Variants in OFD1 observed in about 807,000 individuals in gnomAD.
OFD1 encodes the protein centriole and centriolar satellite protein OFD1.
In OFD1, 12 loss-of-function variants were observed where a neutral mutation model predicts 81.4. The observed-to-expected ratio is 0.15, with a 90% confidence interval of 0.09 to 0.24. The LOEUF is 0.24. Ranked by LOEUF, OFD1 falls within the 10% of genes least tolerant of loss-of-function variation. OFD1 has a pLI of 1.00. For synonymous variants in OFD1, 256 were observed against 263.7 expected, an observed-to-expected ratio of 0.97 and a Z score of 0.28; for missense variants, 685 against 733.9, an observed-to-expected ratio of 0.93 and a Z score of 0.77.
chrX:13,746,479 A>G (rs773800534), intron 7 of OFD1, 24 bp downstream of exon 7: 1 of 1,202,320 alleles, frequency 8.3e-7, no homozygotes, highest in Non-Finnish European at 1.1e-6. Flanking sequence ...TGTTACTGTA[A>G]ACAAGAGTGA....
At chrX:13,715,954 A>C in the OFD1 span, 1 of 1,136,171 alleles carries the variant, frequency 8.8e-7, no homozygotes, top group South Asian at 2.0e-5. Context: ...TTCCTGACAA[A>C]GGTCGAATCC....
At chrX:13,752,530 A>G (rs1469028078) in intron 10 of OFD1, among the ~76,000 whole-genome samples, 5 of 112,323 alleles carry the variant, frequency 4.5e-5, no homozygotes, top group African/African-American at 1.6e-4. Context: ...TTTTTTATCT[A>G]TTGATTTTGA....
chrX:13,726,151 A>G, the OFD1 span, among the ~76,000 whole-genome samples: 2 of 112,551 alleles, frequency 1.8e-5, no homozygotes, highest in African/African-American at 3.2e-5. Flanking sequence ...CCTGAAAGTG[A>G]TGGGGAGAAT....
upstream of OFD1, chrX:13,733,917 T>C (rs919747396): frequency 5.4e-5 from 25 of 462,634 alleles, no homozygotes; most frequent in Non-Finnish European, 8.5e-5. Flanking sequence ...TTTAAACTCT[T>C]TATCCAGTCT....
intron 5 of OFD1, among the ~76,000 whole-genome samples, chrX:13,743,726 GT>G (rs1204269157): frequency 9.1e-6 from 1 of 109,473 alleles, no homozygotes; most frequent in Non-Finnish European, 1.9e-5. Context: ...TGACAATGTA[GT>G]TTTTTCTGCA....
intron 2 of OFD1, 123 bp from the exon 3 acceptor site, chrX:13,736,355 A>T (rs900211060): frequency 9.1e-7 from 1 of 1,093,918 alleles, no homozygotes; most frequent in East Asian, 3.1e-5. Flanking sequence ...TAGAACCATT[A>T]TGGAAATAGA....
At chrX:13,725,672 A>G in the OFD1 span, among the ~76,000 whole-genome samples, 1 of 112,661 alleles carries the variant, frequency 8.9e-6, no homozygotes, top group African/African-American at 3.2e-5. Flanking sequence ...GAAAAGCTGA[A>G]AATTCTAAAA....
At chrX:13,769,642 A>AC (rs1256012521), downstream of OFD1, among the ~76,000 whole-genome samples, 2 of 92,269 alleles carry the variant, frequency 2.2e-5, no homozygotes, top group Non-Finnish European at 4.8e-5. Flanking sequence ...TTGGAATTTA[A>AC]ACCCCCCCGT....
chrX:13,725,874 G>A, the OFD1 span, among the ~76,000 whole-genome samples: 7 of 111,509 alleles, frequency 6.3e-5, no homozygotes, highest in South Asian at 3.7e-4. Context: ...AAGATTAGAC[G>A]AATGGCTAAC....
At chrX:13,722,208 C>CAGAAAAAA in the OFD1 span, 1 of 36,116 alleles carries the variant, frequency 2.8e-5, no homozygotes, top group Non-Finnish European at 5.1e-5. Context: ...TAAGCAGCAG[C>CAGAAAAAA]AAAAAAAAAA....
intron 5 of OFD1, among the ~76,000 whole-genome samples, chrX:13,742,642 G>C (rs1237747745): frequency 9.0e-6 from 1 of 111,413 alleles, no homozygotes; most frequent in Non-Finnish European, 1.9e-5. Context: ...TCCTGTCTCA[G>C]CCTCCTGAGT....
Position 13,734,874 on chromosome X carries a change from G to A in OFD1, c.-198G>A. ...TCAGAACCGCGAAGAAAGGAAGCTC[G>A]CGTGTTTGCTAGAAAACCTAGTTGG... On this transcript the variant is annotated 5_prime_UTR_variant, in exon 1 of 23. Transcript: ENST00000340096. 1 of 1,085,095 alleles carries A rather than the reference G, an allele frequency of 9.2e-7. No individual in the cohort carries two copies. The highest frequency in any genetic ancestry group is 1.2e-6 in the Non-Finnish European group (1 of 840,666). The allele number at this position is 1,085,095 out of a possible 1,213,427, so 89.4% of individuals were successfully genotyped here. A position where few individuals can be genotyped will look rare whatever the true frequency, so the allele number is the denominator to read the frequency against.
intron 10 of OFD1, 41 bp downstream of exon 10, chrX:13,751,409 T>G: frequency 9.2e-7 from 1 of 1,088,251 alleles, no homozygotes; most frequent in Non-Finnish European, 1.3e-6. Flanking sequence ...ATGTTTAAAT[T>G]AAATTGGTAG....
intron 10 of OFD1, chrX:13,752,581 A>T: frequency 1.8e-6 from 1 of 548,677 alleles, no homozygotes. Flanking sequence ...CAGTTTCTAT[A>T]CTAAAATAGC....
chrX:13,762,552 CATT>C (rs773913459), intron 18 of OFD1, 108 bp downstream of exon 18: 58 of 503,947 alleles, frequency 1.2e-4, no homozygotes, highest in Non-Finnish European at 1.9e-4. Flanking sequence ...CAAATTGGGT[CATT>C]ATTATTTTGT....
rs373195145 is a variant in OFD1, at chrX:13,762,310, T to C, written c.2388-34T>C. On this transcript the variant is annotated intron_variant, in intron 17 of 22. Transcript: ENST00000340096. ...CCTTGTACTCTTTGGTTTTCCATTA[T>C]TGAAACTTCACGAGTTTTATCCTTC... 5.1e-5 allele frequency: 49 copies of C among 955,610 alleles called. No homozygotes were observed. The African/African-American group carries it at 8.2e-4, about 16-fold the overall frequency. The allele number at this position is 955,610 out of a possible 1,213,427, so 78.8% of individuals were successfully genotyped here.
chrX:13,755,968 T>TTTG (rs1298406528), intron 12 of OFD1, among the ~76,000 whole-genome samples: 1 of 96,935 alleles, frequency 1.0e-5, no homozygotes, highest in African/African-American at 4.1e-5. Context: ...TTTTTTTTTT[T>TTTG]GAGACAGAGT....
chrX:13,753,074 G>A, intron 10 of OFD1: 1 of 930,935 alleles, frequency 1.1e-6, no homozygotes, highest in Non-Finnish European at 1.3e-6. Flanking sequence ...CTTTGTGTCA[G>A]TTGAGACCAA....
At chrX:13,734,712 G>A, upstream of OFD1, 1 of 990,533 alleles carries the variant, frequency 1.0e-6, no homozygotes, top group Non-Finnish European at 1.3e-6. Flanking sequence ...TTCAGCTCGG[G>A]AAGGCTATAT....
Sources: gnomAD v4.1 joint callset for allele counts (sites outside exome capture counted in the v4.1 genomes callset) on GRCh38, gnomAD v4.1.1 for gene constraint, MANE v1.5 for transcripts, NCBI Gene and HGNC (gene_info 2026-07-23, HGNC 2026-07-21) for gene names.